KHDRBS2: variants seen among roughly 807,000 people sequenced by gnomAD.
KHDRBS2 encodes the protein KH domain-containing, RNA-binding, signal transduction-associated protein 2.
Under a neutral mutation model 44.3 loss-of-function variants are expected in KHDRBS2, and 26 were observed. That is an observed-to-expected ratio of 0.59 (90% CI 0.43 to 0.81). The LOEUF is 0.81. Ranked by LOEUF, KHDRBS2 falls within the 40% of genes least tolerant of loss-of-function variation. KHDRBS2 has a pLI of 0.00. For synonymous variants in KHDRBS2, 194 were observed against 151.1 expected, an observed-to-expected ratio of 1.28 and a Z score of -2.08; for missense variants, 476 against 433.1, an observed-to-expected ratio of 1.10 and a Z score of -0.88.
At chr6:61,870,364 A>G (rs1798485140) in intron 6 of KHDRBS2, among the ~76,000 whole-genome samples, 1 of 152,168 alleles carries the variant, frequency 6.6e-6, no homozygotes, top group Admixed American at 6.5e-5. Flanking sequence ...TGGTCAGGGC[A>G]TCTCTGAAAA....
intron 7 of KHDRBS2, among the ~76,000 whole-genome samples, chr6:61,732,087 G>A (rs550188096): frequency 6.6e-4 from 100 of 152,082 alleles, no homozygotes; most frequent in African/African-American, 2.2e-3. Context: ...TCTGCCAAAC[G>A]TATACAGCTG....
intron 7 of KHDRBS2, among the ~76,000 whole-genome samples, chr6:61,706,950 A>AACAG: frequency 6.6e-6 from 1 of 151,520 alleles, no homozygotes; most frequent in Non-Finnish European, 1.5e-5. Flanking sequence ...ACAAAAACAA[A>AACAG]AACAAAAACA....
the KHDRBS2 span, among the ~76,000 whole-genome samples, chr6:61,661,739 A>C: frequency 1.3e-5 from 2 of 151,922 alleles, no homozygotes; most frequent in East Asian, 3.9e-4. Context: ...TGCTCAATGA[A>C]ATAAAAGAGG....
chr6:61,790,881 G>A (rs770528379), intron 6 of KHDRBS2, among the ~76,000 whole-genome samples: 1 of 151,498 alleles, frequency 6.6e-6, no homozygotes, highest in Non-Finnish European at 1.5e-5. Context: ...CATCAGTGAA[G>A]TCATTATGGT....
At chr6:61,824,730 T>C (rs374300845) in intron 6 of KHDRBS2, among the ~76,000 whole-genome samples, 1 of 152,206 alleles carries the variant, frequency 6.6e-6, no homozygotes, top group Non-Finnish European at 1.5e-5. Context: ...TTTATTAATA[T>C]GACATTAAAT....
intron 6 of KHDRBS2, among the ~76,000 whole-genome samples, chr6:61,759,163 T>C (rs558338932): frequency 5.3e-5 from 8 of 152,318 alleles, no homozygotes; most frequent in African/African-American, 1.4e-4. Context: ...TATTTCTTTG[T>C]TCAAAAGAGA....
intron 7 of KHDRBS2, among the ~76,000 whole-genome samples, chr6:61,703,128 C>T (rs912536218): frequency 2.0e-5 from 3 of 151,406 alleles, no homozygotes; most frequent in African/African-American, 7.3e-5. Flanking sequence ...ATTAAATAAC[C>T]AGGTTGTATT....
intron 1 of KHDRBS2, among the ~76,000 whole-genome samples, chr6:62,277,552 C>A (rs1585580736): frequency 6.6e-6 from 1 of 152,106 alleles, no homozygotes. Context: ...CCGTGTTAGG[C>A]AGGATGGCCT....
intron 4 of KHDRBS2, among the ~76,000 whole-genome samples, chr6:61,948,158 A>G (rs1409520490): frequency 2.0e-5 from 3 of 151,990 alleles, no homozygotes; most frequent in Non-Finnish European, 2.9e-5. Flanking sequence ...CGAGAAAGCA[A>G]ATGACAATAA....
chr6:62,074,729 C>T (rs1293485107), intron 2 of KHDRBS2, among the ~76,000 whole-genome samples: 2 of 151,844 alleles, frequency 1.3e-5, no homozygotes. Context: ...TTCAAACATG[C>T]TCTTTTACCT....
At chr6:62,101,557 C>T (rs1389505109) in intron 2 of KHDRBS2, among the ~76,000 whole-genome samples, 1 of 152,132 alleles carries the variant, frequency 6.6e-6, no homozygotes, top group Non-Finnish European at 1.5e-5. Flanking sequence ...GAGGCTCAGA[C>T]AAGAGTGTCA....
chr6:61,699,471 T>C (rs776971846), intron 7 of KHDRBS2, among the ~76,000 whole-genome samples: 3 of 152,074 alleles, frequency 2.0e-5, no homozygotes. Context: ...ATTTTAACTA[T>C]ATAAAAGTGT....
chr6:61,585,454 A>T, the KHDRBS2 span, among the ~76,000 whole-genome samples: 3 of 152,086 alleles, frequency 2.0e-5, no homozygotes, highest in Non-Finnish European at 4.4e-5. Context: ...TAATTATAGT[A>T]CATGCTAACT....
chr6:61,833,550 G>T (rs1207260402), intron 6 of KHDRBS2, among the ~76,000 whole-genome samples: 1 of 151,982 alleles, frequency 6.6e-6, no homozygotes, highest in African/African-American at 2.4e-5. Flanking sequence ...GTGTTTATTT[G>T]GAAGACATTT....
chr6:62,108,337 A>G (rs1562881021), intron 2 of KHDRBS2, among the ~76,000 whole-genome samples: 1 of 152,236 alleles, frequency 6.6e-6, no homozygotes, highest in Non-Finnish European at 1.5e-5. Context: ...AAAAAAACAC[A>G]TGAAAAAATG....
chr6:61,690,706 T>C (rs1488715111), intron 8 of KHDRBS2, among the ~76,000 whole-genome samples: 2 of 150,634 alleles, frequency 1.3e-5, no homozygotes, highest in East Asian at 1.9e-4. Flanking sequence ...GATTACAAAA[T>C]ACCCAGTGTT....
At chr6:62,155,548 C>A (rs1816168514) in intron 2 of KHDRBS2, among the ~76,000 whole-genome samples, 1 of 152,188 alleles carries the variant, frequency 6.6e-6, no homozygotes, top group Non-Finnish European at 1.5e-5. Flanking sequence ...AAGATCTATG[C>A]ATATGCCTTC....
At chr6:61,791,927 A>G (rs1364661495) in intron 6 of KHDRBS2, among the ~76,000 whole-genome samples, 2 of 151,378 alleles carry the variant, frequency 1.3e-5, no homozygotes, top group Non-Finnish European at 3.0e-5. Flanking sequence ...TTTGAATTTA[A>G]TTCCTACCAT....
chr6:62,041,261 G>A (rs1786433869), intron 3 of KHDRBS2, among the ~76,000 whole-genome samples: 1 of 152,030 alleles, frequency 6.6e-6, no homozygotes, highest in Non-Finnish European at 1.5e-5. Flanking sequence ...AACCCAGGAG[G>A]TGGAGGTTGT....
Sources: allele counts gnomAD v4.1 joint callset (sites outside exome capture counted in the v4.1 genomes callset), GRCh38; gene constraint gnomAD v4.1.1; transcripts MANE v1.5; gene names NCBI Gene and HGNC (gene_info 2026-07-23, HGNC 2026-07-21).